Variants in HEATR3 observed in about 807,000 individuals in gnomAD.
HEATR3 encodes HEAT repeat-containing protein 3.
Under a neutral mutation model 72.8 loss-of-function variants are expected in HEATR3, and 56 were observed. That is an observed-to-expected ratio of 0.77 (90% CI 0.62 to 0.96). The LOEUF (loss-of-function observed/expected upper bound fraction) is 0.96, where lower values mean the gene tolerates loss of function less well. HEATR3 is among the 40% of genes least tolerant of loss of function. HEATR3 has a pLI of 0.00. For missense variants in HEATR3, 747 were observed against 831.4 expected (o/e 0.90, Z 1.25); for synonymous variants, 331 against 318.1 (o/e 1.04, Z -0.43).
At chr16:50,068,953 C>A in intron 3 of HEATR3, 86 bp downstream of exon 3, 2 of 890,856 alleles carry the variant, frequency 2.2e-6, no homozygotes, top group South Asian at 1.5e-5. Context: ...GTGACTTTGT[C>A]TTCTATCTAA....
intron 6 of HEATR3, among the ~76,000 whole-genome samples, chr16:50,077,264 G>A (rs371223452): frequency 6.6e-6 from 1 of 151,604 alleles, no homozygotes; most frequent in East Asian, 1.9e-4. Flanking sequence ...GGCCCATCTC[G>A]ACCTCCCTGT....
intron 12 of HEATR3, among the ~76,000 whole-genome samples, chr16:50,099,259 T>C (rs375815414): frequency 3.3e-5 from 5 of 152,258 alleles, no homozygotes; most frequent in African/African-American, 9.6e-5. Context: ...TCCCCTGGTA[T>C]GTAAGCAGCA....
chr16:50,083,880 A>G, intron 7 of HEATR3, 57 bp from the exon 8 acceptor site: 1 of 1,507,496 alleles, frequency 6.6e-7, no homozygotes, highest in Non-Finnish European at 9.0e-7. Context: ...GAAATTCCCC[A>G]AAAACATTTT....
At chr16:50,092,446 T>C (rs111989438) in intron 11 of HEATR3, among the ~76,000 whole-genome samples, 17,489 of 142,842 alleles carry the variant, frequency 0.12, 1,175 homozygotes, top group African/African-American at 0.16. Flanking sequence ...CTTTTTTTTT[T>C]TTTTTTCCTG....
chr16:50,070,476 G>T (rs549032617), intron 4 of HEATR3, among the ~76,000 whole-genome samples, 186 bp downstream of exon 4: 2 of 152,290 alleles, frequency 1.3e-5, no homozygotes, highest in East Asian at 3.9e-4. Flanking sequence ...GAGGCGGGTG[G>T]ATCACTTGAG....
rs185692053 is a variant in HEATR3 at position 50,084,780 on chromosome 16, A to T, written c.1373+129A>T. 47 of 640,060 alleles carry T rather than the reference A, an allele frequency of 7.3e-5. No individual in the cohort carries two copies. The African/African-American group carries it at 7.9e-4, about 11-fold the overall frequency. 39.6% of individuals were successfully genotyped at this position (640,060 alleles called of 1,614,324 possible). Reference sequence around the variant, plus strand: ...TGTTCCTGGGTATATATACCAGAAAAATATGTGCCCACATGCCCTAGAATA... The same window carrying T: ...TGTTCCTGGGTATATATACCAGAAATATATGTGCCCACATGCCCTAGAATA... On this transcript the variant is annotated intron_variant, in intron 10 of 14. Coordinates refer to ENST00000299192, the MANE Select transcript of HEATR3 (RefSeq NM_182922.4).
Position 50,066,283 on chromosome 16 carries a change from T to G in HEATR3, c.138+14T>G. 6.3e-7 allele frequency: 1 copy of G among 1,576,494 alleles called. No individual in the cohort carries two copies. Among genetic ancestry groups the G allele is most frequent in the Non-Finnish European group, 8.6e-7 (1 of 1,165,770 alleles). ...CTGCTGGAAAAGGTGAGGCGAGGGC[T>G]CCGTCGGGCCGGGAGGCGAGACGAG... On this transcript the variant is annotated intron_variant, in intron 1 of 14. Transcript: ENST00000299192.
Position 50,106,816 on chromosome 16 carries a change from G to A in HEATR3, c.*1755G>A, listed in dbSNP as rs1051541368. Among the ~76,000 whole-genome samples, 6 of 152,236 alleles carry A rather than the reference G, an allele frequency of 3.9e-5. No homozygotes were observed. Among genetic ancestry groups the A allele is most frequent in the Admixed American group, 3.3e-4 (5 of 15,280 alleles). ...CATCTGCACTGTGATGTATTTTACA[G>A]TTTTCACCTATATGATATAGACTGT... On this transcript the variant is annotated 3_prime_UTR_variant, in exon 15 of 15. Transcript: ENST00000299192.
chr16:50,100,082 A>G (rs988673850), intron 12 of HEATR3, 148 bp from the exon 13 acceptor site: 5 of 610,392 alleles, frequency 8.2e-6, no homozygotes, highest in Admixed American at 9.1e-5. Context: ...ACTGGAATAC[A>G]TATTAATAGT....
intron 11 of HEATR3, among the ~76,000 whole-genome samples, chr16:50,086,758 C>T (rs2036996765): frequency 6.6e-6 from 1 of 152,048 alleles, no homozygotes; most frequent in Admixed American, 6.6e-5. Context: ...GATGAAACCG[C>T]TCTACTAAAA....
At position 50,105,116 on chromosome 16, in the gene HEATR3, T is replaced by G. The variant is rs777561178; in HGVS notation, c.*55T>G. On this transcript the variant is annotated 3_prime_UTR_variant, in exon 15 of 15. Coordinates refer to ENST00000299192, the MANE Select transcript of HEATR3 (RefSeq NM_182922.4). ...CCAAAGTATTCAATGCTTAGAATAC[T>G]AAAAGGTTTTCTTTGAATGTATATG... The G allele has an allele frequency of 9.8e-6, 15 of 1,535,796 alleles. No individual in the cohort carries two copies. Among genetic ancestry groups the G allele is most frequent in the Non-Finnish European group, 1.2e-5 (14 of 1,123,492 alleles).
Position 50,073,589 on chromosome 16 carries a change from A to G in HEATR3, c.622+875A>G, listed in dbSNP as rs567488802. ...AAATGGAATCTTGGTGGGGCTGGAG[A>G]GTTGTGAGTAAATGGGGATTTTAAA... On this transcript the variant is annotated intron_variant, in intron 5 of 14. Coordinates refer to ENST00000299192, the MANE Select transcript of HEATR3 (RefSeq NM_182922.4). 2.6e-5 allele frequency: 4 copies of G among 152,238 alleles called. No homozygotes were observed. The South Asian group carries it at 8.3e-4, about 32-fold the overall frequency. 9.4% of individuals were successfully genotyped at this position (152,238 alleles called of 1,614,324 possible).
At chr16:50,078,328 C>T (rs2036786870) in intron 6 of HEATR3, among the ~76,000 whole-genome samples, 1 of 152,048 alleles carries the variant, frequency 6.6e-6, no homozygotes. Context: ...AATTAAGAAC[C>T]TACTCTCATG....
intron 6 of HEATR3, among the ~76,000 whole-genome samples, chr16:50,076,831 T>C (rs9924751): frequency 1 from 150,105 of 150,400 alleles, 74,905 homozygotes; most frequent in Middle Eastern, 1. Flanking sequence ...TCCTGAATAG[T>C]TGGCATTACA....
At chr16:50,070,437 TG>T (rs2036586913) in intron 4 of HEATR3, 147 bp downstream of exon 4, 3 of 376,932 alleles carry the variant, frequency 8.0e-6, no homozygotes. Context: ...TGGTGGCTCA[TG>T]CCTGTAATCC....
chr16:50,095,396 C>T lies in HEATR3; in HGVS notation c.1599+603C>T, dbSNP rs1021586265. ...TGCTGGGATGACAGGCGTGAACCAC[C>T]GTACCCAGCTTTTTTTTTTTTTTTT... On this transcript the variant is annotated intron_variant, in intron 12 of 14. Coordinates refer to ENST00000299192, the MANE Select transcript of HEATR3 (RefSeq NM_182922.4). 7.3e-5 allele frequency among the ~76,000 whole-genome samples: 10 copies of T among 136,572 alleles called. No homozygotes were observed. In the East Asian group the frequency reaches 1.0e-3, roughly 14 times the overall value. The allele number at this position is 136,572 out of a possible 152,430, so 89.6% of individuals were successfully genotyped here.
chr16:50,102,143 A>G, intron 13 of HEATR3, 116 bp from the exon 14 acceptor site: 1 of 788,784 alleles, frequency 1.3e-6, no homozygotes, highest in Non-Finnish European at 2.0e-6. Flanking sequence ...TGAAGTTTTA[A>G]TTTTTCCCTG....
intron 11 of HEATR3, among the ~76,000 whole-genome samples, chr16:50,091,867 C>CT (rs1236946491): frequency 3.7e-5 from 5 of 136,560 alleles, no homozygotes; most frequent in African/African-American, 1.4e-4. Context: ...GAGCGAGACT[C>CT]TGTCTCAAAA....
At chr16:50,072,752 T>C in intron 5 of HEATR3, 38 bp downstream of exon 5, 1 of 1,299,170 alleles carries the variant, frequency 7.7e-7, no homozygotes, top group Non-Finnish European at 1.1e-6. Flanking sequence ...TAAGAATGTG[T>C]AGCCTTATTC....
Sources: gnomAD v4.1 joint callset for allele counts (sites outside exome capture counted in the v4.1 genomes callset) on GRCh38, gnomAD v4.1.1 for gene constraint, MANE v1.5 for transcripts, NCBI Gene and HGNC (gene_info 2026-07-23, HGNC 2026-07-21) for gene names.